RFTN1: variants seen among roughly 807,000 people sequenced by gnomAD.
The protein encoded by RFTN1 is raftlin.
RFTN1 carries 26 observed loss-of-function variants against 46.5 expected under a neutral mutation model. That is an observed-to-expected ratio of 0.56 (90% CI 0.41 to 0.78). RFTN1 has a LOEUF of 0.78. Ranked by LOEUF, RFTN1 falls within the 30% of genes least tolerant of loss-of-function variation. RFTN1 has a pLI of 0.00. For synonymous variants in RFTN1, 261 were observed against 284.2 expected, an observed-to-expected ratio of 0.92 and a Z score of 0.82; for missense variants, 693 against 718.7, an observed-to-expected ratio of 0.96 and a Z score of 0.41.
intron 8 of RFTN1, among the ~76,000 whole-genome samples, chr3:16,324,613 A>AACCC (rs1553718056): frequency 2.2e-5 from 2 of 90,828 alleles, no homozygotes; most frequent in African/African-American, 8.9e-5. Context: ...AATGTCCCTG[A>AACCC]CCCCCCCCCT....
chr3:16,479,731 C>T lies in RFTN1; in HGVS notation c.145+13994G>A, dbSNP rs1212094650. On this transcript the variant is annotated intron_variant, in intron 2 of 9. Transcript: ENST00000334133. The surrounding 1 kb of genome is among the most constrained non-coding windows in gnomAD (Gnocchi z 5.1). ...TGAGTCCACTCACCCCCAGGAAGCT[C>T]GTTTGATTGAGGTACCTTTTCCAAG... 1.3e-5 allele frequency among the ~76,000 whole-genome samples: 2 copies of T among 152,162 alleles called. No individual in the cohort carries two copies. Among genetic ancestry groups the T allele is most frequent in the African/African-American group, 2.4e-5 (1 of 41,440 alleles).
chr3:16,320,347 C>G lies in RFTN1; in HGVS notation c.1332+3029G>C, dbSNP rs889149166. ...GCTGATTAAAAGAAGACTAAATATG[C>G]CACATCCTCGGTGTGCCAATCTTGC... On this transcript the variant is annotated intron_variant, in intron 9 of 9. Transcript: ENST00000334133. The surrounding 1 kb of genome is among the most constrained non-coding windows in gnomAD (Gnocchi z 4.5). Among the ~76,000 whole-genome samples the G allele has an allele frequency of 3.9e-5, 6 of 152,192 alleles. No homozygotes were observed. Among genetic ancestry groups the G allele is most frequent in the Non-Finnish European group, 4.4e-5 (3 of 68,040 alleles).
At position 16,483,852 on chromosome 3, in the gene RFTN1, A is replaced by G. The variant is rs1043986537; in HGVS notation, c.145+9873T>C. On this transcript the variant is annotated intron_variant, in intron 2 of 9. Coordinates refer to ENST00000334133, the MANE Select transcript of RFTN1 (RefSeq NM_015150.2). This position sits in a 1 kb window ranked among gnomAD's most constrained non-coding sequence, Gnocchi z 4.8. ...CATCAGCATTGCCTGGGAACTTATT[A>G]CAAAAGCAGATTCTCAGGCCTTGCC... is the stretch of plus-strand genomic sequence containing the variant. Among the ~76,000 whole-genome samples, 1 of 152,186 alleles carries G rather than the reference A, an allele frequency of 6.6e-6. No homozygotes were observed. Among genetic ancestry groups the G allele is most frequent in the Non-Finnish European group, 1.5e-5 (1 of 68,034 alleles).
chr3:16,396,110 C>G (rs1377934527), intron 4 of RFTN1, among the ~76,000 whole-genome samples: 1 of 151,792 alleles, frequency 6.6e-6, no homozygotes, highest in Non-Finnish European at 1.5e-5. Context: ...GAATAAAATG[C>G]CATTTTTGAT....
At chr3:16,441,716 C>T (rs1240669864) in intron 2 of RFTN1, among the ~76,000 whole-genome samples, 1 of 152,224 alleles carries the variant, frequency 6.6e-6, no homozygotes, top group South Asian at 2.1e-4. Flanking sequence ...TAATTACATC[C>T]GCTAATGGAT....
chr3:16,450,153 A>T lies in RFTN1; in HGVS notation c.146-16116T>A, dbSNP rs879417808. ...AAAATATTTCTCTGAAAGAGTCATA[A>T]AATGTCAGCTTCTCCACTTTCCTTC... On this transcript the variant is annotated intron_variant, in intron 2 of 9. Transcript: ENST00000334133. This position sits in a 1 kb window ranked among gnomAD's most constrained non-coding sequence, Gnocchi z 4.6. Among the ~76,000 whole-genome samples the T allele has an allele frequency of 2.0e-5, 3 of 152,210 alleles. No homozygotes were observed. The highest frequency in any genetic ancestry group is 4.8e-5 in the African/African-American group (2 of 41,450).
At position 16,468,180 on chromosome 3, in the gene RFTN1, C is replaced by A. The variant is rs960911317; in HGVS notation, c.145+25545G>T. On this transcript the variant is annotated intron_variant, in intron 2 of 9. Transcript: ENST00000334133. The surrounding 1 kb of genome is among the most constrained non-coding windows in gnomAD (Gnocchi z 4.4). ...CGGCTGGTGATGCCTCAGCACACTTCACTCTCTAGAAATTCCGTCGGCTTA... is the reference window on the plus strand; with the variant it reads ...CGGCTGGTGATGCCTCAGCACACTTAACTCTCTAGAAATTCCGTCGGCTTA... Among the ~76,000 whole-genome samples, 2 of 152,202 alleles carry A rather than the reference C, an allele frequency of 1.3e-5. No individual in the cohort carries two copies. Among genetic ancestry groups the A allele is most frequent in the Non-Finnish European group, 2.9e-5 (2 of 68,034 alleles).
At chr3:16,488,219 C>T (rs971885179) in intron 2 of RFTN1, among the ~76,000 whole-genome samples, 14 of 151,976 alleles carry the variant, frequency 9.2e-5, no homozygotes, top group African/African-American at 2.7e-4. Context: ...TCTGCCTCAG[C>T]GTCCCGAGTA....
intron 6 of RFTN1, among the ~76,000 whole-genome samples, chr3:16,368,172 GAT>G (rs756375508): frequency 6.6e-6 from 1 of 152,108 alleles, no homozygotes; most frequent in Non-Finnish European, 1.5e-5. Flanking sequence ...CTCTGACACT[GAT>G]ATGTCAGGCT....
Position 16,432,551 on chromosome 3 carries a change from A to G in RFTN1, c.332+1300T>C, listed in dbSNP as rs184617065. ...AAAAAAGAAAAGAAAAGAAACCAATATGCAGCCAGGCTCAGTGGCTCACAC... is the reference window on the plus strand; with the variant it reads ...AAAAAAGAAAAGAAAAGAAACCAATGTGCAGCCAGGCTCAGTGGCTCACAC... On this transcript the variant is annotated intron_variant, in intron 3 of 9. Coordinates refer to ENST00000334133, the MANE Select transcript of RFTN1 (RefSeq NM_015150.2). Among the ~76,000 whole-genome samples, 333 of 152,060 alleles carry G rather than the reference A, an allele frequency of 2.2e-3. 1 individual carries two copies. Among genetic ancestry groups the G allele is most frequent in the Admixed American group, 5.6e-3 (86 of 15,280 alleles).
At position 16,384,858 on chromosome 3, in the gene RFTN1, G is replaced by C. The variant is rs1380678291; in HGVS notation, c.442-6756C>G. On this transcript the variant is annotated intron_variant, in intron 4 of 9. Coordinates refer to ENST00000334133, the MANE Select transcript of RFTN1 (RefSeq NM_015150.2). The surrounding 1 kb of genome is among the most constrained non-coding windows in gnomAD (Gnocchi z 4.7). ...GTGGCTAGTGATGACCCCATGGACA[G>C]TGCAGGTGTAGAACATATCCATCAT... Among the ~76,000 whole-genome samples the C allele has an allele frequency of 4.6e-5, 7 of 152,314 alleles. No individual in the cohort carries two copies. The highest frequency in any genetic ancestry group is 8.8e-5 in the Non-Finnish European group (6 of 68,022).
chr3:16,326,382 C>T lies in RFTN1; in HGVS notation c.1250+391G>A, dbSNP rs1347954501. Among the ~76,000 whole-genome samples the T allele has an allele frequency of 2.0e-5, 3 of 152,182 alleles. No homozygotes were observed. The East Asian group carries it at 5.8e-4, about 29-fold the overall frequency. ...TGGGTTTAATAATAATACAATTCTA[C>T]CTCATAGTATTTTTCTTTTCTTTTT... On this transcript the variant is annotated intron_variant, in intron 8 of 9. Transcript: ENST00000334133.
intron 4 of RFTN1, among the ~76,000 whole-genome samples, chr3:16,390,539 T>G (rs2074319928): frequency 6.6e-6 from 1 of 152,246 alleles, no homozygotes; most frequent in Non-Finnish European, 1.5e-5. Context: ...CAAACCTGTA[T>G]GCAAACTTAG....
intron 6 of RFTN1, among the ~76,000 whole-genome samples, chr3:16,362,398 G>A (rs2072889734): frequency 6.6e-6 from 1 of 152,198 alleles, no homozygotes; most frequent in Non-Finnish European, 1.5e-5. Context: ...GGGAAAAACA[G>A]CTGCTCTGCA....
intron 9 of RFTN1, among the ~76,000 whole-genome samples, chr3:16,318,349 G>T (rs1164010098): frequency 6.6e-6 from 1 of 152,114 alleles, no homozygotes; most frequent in African/African-American, 2.4e-5. Flanking sequence ...ATATAATTGA[G>T]AGAAAAAGGG....
In RFTN1 at chr3:16,428,243, T is replaced by G. The variant is rs2075321334; in HGVS notation, c.332+5608A>C. 6.6e-6 allele frequency among the ~76,000 whole-genome samples: 1 copy of G among 152,218 alleles called. No homozygotes were observed. The highest frequency in any genetic ancestry group is 2.4e-5 in the African/African-American group (1 of 41,448). On this transcript the variant is annotated intron_variant, in intron 3 of 9. Transcript: ENST00000334133. The surrounding 1 kb of genome is among the most constrained non-coding windows in gnomAD (Gnocchi z 4.7). ...AGGCGTGGAGTTCCTGTTCCCTCAA[T>G]GCCAATTCCCACAAATGCTTCCCTA...
At chr3:16,409,510 A>T (rs1255574740) in intron 3 of RFTN1, 27 bp from the exon 4 acceptor site, 1 of 1,435,722 alleles carries the variant, frequency 7.0e-7, no homozygotes, top group Non-Finnish European at 9.8e-7. Context: ...GCACACACAG[A>T]AACAGATTAA....
chr3:16,415,430 T>TATATATATATATATACAC, intron 3 of RFTN1, among the ~76,000 whole-genome samples: 5 of 114,276 alleles, frequency 4.4e-5, no homozygotes, highest in African/African-American at 1.4e-4. Flanking sequence ...TATATATATA[T>TATATATATATATATACAC]ACACACACAC....
Position 16,475,477 on chromosome 3 carries a change from C to A in RFTN1, c.145+18248G>T, listed in dbSNP as rs942018517. 6.6e-6 allele frequency among the ~76,000 whole-genome samples: 1 copy of A among 152,160 alleles called. No individual in the cohort carries two copies. Among genetic ancestry groups the A allele is most frequent in the African/African-American group, 2.4e-5 (1 of 41,426 alleles). On this transcript the variant is annotated intron_variant, in intron 2 of 9. Transcript: ENST00000334133. This position sits in a 1 kb window ranked among gnomAD's most constrained non-coding sequence, Gnocchi z 4.2. ...CCTTGGCTATTTTAGACTACCAATG[C>A]CACAGAAACAAAAGGCAAAGAAGGC...
Sources: gnomAD v4.1 joint callset for allele counts (sites outside exome capture counted in the v4.1 genomes callset) on GRCh38, gnomAD v4.1.1 for gene constraint, Gnocchi (gnomAD v3.1) non-coding constraint, MANE v1.5 for transcripts, NCBI Gene and HGNC (gene_info 2026-07-23, HGNC 2026-07-21) for gene names.